Variants in TTC6 observed in about 807,000 individuals in gnomAD.
TTC6 encodes the protein tetratricopeptide repeat protein 6.
TTC6 carries 172 observed loss-of-function variants against 210.4 expected under a neutral mutation model. That is an observed-to-expected ratio of 0.82 (90% CI 0.72 to 0.93). TTC6 has a LOEUF of 0.93. Among genes scored for constraint, TTC6 ranks in the 40% least tolerant of loss-of-function variants. The probability of loss-of-function intolerance (pLI) is 0.00; values close to 1 mark genes in which losing one functional copy is unlikely to be tolerated. For synonymous variants in TTC6, 804 were observed against 819.6 expected (o/e 0.98, Z 0.32); for missense variants, 2,414 against 2,318.1 (o/e 1.04, Z -0.85).
At chr14:37,821,922 A>C (rs866320049) in intron 26 of TTC6, among the ~76,000 whole-genome samples, 1 of 151,750 alleles carries the variant, frequency 6.6e-6, no homozygotes, top group Non-Finnish European at 1.5e-5. Context: ...CTGGGACTAC[A>C]GGGGCCTGCC....
At chr14:37,807,404 T>G in exon 23 of TTC6, 1 of 1,530,490 alleles carries the variant, frequency 6.5e-7, no homozygotes, top group Non-Finnish European at 8.7e-7. Flanking sequence ...TATTAAAATT[T>G]ACCCTGAAAG....
chr14:37,816,722 T>C (rs1343207667), intron 25 of TTC6, among the ~76,000 whole-genome samples: 2 of 152,186 alleles, frequency 1.3e-5, no homozygotes, highest in African/African-American at 4.8e-5. Flanking sequence ...TATCATGCAG[T>C]TGACATGATA....
chr14:37,834,115 C>G (rs1423084177), intron 29 of TTC6, among the ~76,000 whole-genome samples: 3 of 152,126 alleles, frequency 2.0e-5, no homozygotes, highest in African/African-American at 7.2e-5. Context: ...GTTTTTAAAA[C>G]TCTCTCTTTG....
chr14:37,643,527 C>G (rs1415367955), intron 1 of TTC6, among the ~76,000 whole-genome samples: 1 of 152,040 alleles, frequency 6.6e-6, no homozygotes, highest in Non-Finnish European at 1.5e-5. Flanking sequence ...GATCACATGG[C>G]CAGCTGTTAA....
intron 1 of TTC6, among the ~76,000 whole-genome samples, chr14:37,645,436 C>G (rs189293812): frequency 6.6e-6 from 1 of 152,220 alleles, no homozygotes; most frequent in Non-Finnish European, 1.5e-5. Flanking sequence ...GAAATCCTTG[C>G]TTACAATCTA....
upstream of TTC6, among the ~76,000 whole-genome samples, chr14:37,617,351 T>C (rs574013853): frequency 9.4e-4 from 143 of 152,328 alleles, no homozygotes; most frequent in African/African-American, 3.3e-3. Context: ...ATAGGCATAT[T>C]CTAAGTGACT....
chr14:37,700,902 T>A (rs2095824018), intron 4 of TTC6, among the ~76,000 whole-genome samples: 1 of 152,000 alleles, frequency 6.6e-6, no homozygotes, highest in Non-Finnish European at 1.5e-5. Flanking sequence ...AGTTAATGGA[T>A]AATGCCCTAC....
At chr14:37,621,075 CCCCATT>C (rs2095650260), upstream of TTC6, among the ~76,000 whole-genome samples, 1 of 152,172 alleles carries the variant, frequency 6.6e-6, no homozygotes, top group Non-Finnish European at 1.5e-5. Context: ...CTGAGGCTTC[CCCCATT>C]CCCTTCCTAC....
At chr14:37,648,326 C>T (rs1431536040) in intron 1 of TTC6, among the ~76,000 whole-genome samples, 1 of 152,142 alleles carries the variant, frequency 6.6e-6, no homozygotes, top group African/African-American at 2.4e-5. Context: ...AAATGTTTAT[C>T]ATGAATAAGT....
chr14:37,780,062 G>A (rs12888912), intron 14 of TTC6, among the ~76,000 whole-genome samples: 1 of 151,920 alleles, frequency 6.6e-6, no homozygotes, highest in African/African-American at 2.4e-5. Context: ...ATGAATGAAT[G>A]AATTAATTAA....
intron 1 of TTC6, among the ~76,000 whole-genome samples, chr14:37,637,355 T>C (rs1273775964): frequency 6.6e-6 from 1 of 152,220 alleles, no homozygotes; most frequent in Non-Finnish European, 1.5e-5. Flanking sequence ...AAAGACCCTG[T>C]TAAGACGATG....
chr14:37,596,286 C>G (rs1277563051), intron 1 of TTC6, among the ~76,000 whole-genome samples: 4 of 152,358 alleles, frequency 2.6e-5, no homozygotes, highest in African/African-American at 9.6e-5. Flanking sequence ...TCCCATAACA[C>G]GCGCGTTAGC....
At chr14:37,628,006 T>G (rs2095663266) in intron 1 of TTC6, among the ~76,000 whole-genome samples, 1 of 152,182 alleles carries the variant, frequency 6.6e-6, no homozygotes, top group African/African-American at 2.4e-5. Flanking sequence ...GTTTCGCTCT[T>G]GTTGCCCAGG....
chr14:37,771,054 C>A (rs1322639324), intron 14 of TTC6, among the ~76,000 whole-genome samples: 1 of 142,934 alleles, frequency 7.0e-6, no homozygotes, highest in Admixed American at 7.1e-5. Flanking sequence ...ATTTCTCCTT[C>A]ACTTATGAAG....
Position 37,817,624 on chromosome 14 carries a change from GT to G in TTC6, c.4737del (p.His1580ThrfsTer58), listed in dbSNP as rs1213526482. The G allele has an allele frequency of 6.2e-7, 1 of 1,614,044 alleles. No individual in the cohort carries two copies. Among genetic ancestry groups the G allele is most frequent in the Non-Finnish European group, 8.5e-7 (1 of 1,179,914 alleles). On this transcript the variant is annotated frameshift_variant, in exon 26 of 31. Coordinates refer to ENST00000553443, the Ensembl canonical transcript of TTC6. LOFTEE classifies it high-confidence loss of function. ...ATAAGCCGGACTAACGGGAGCCTTTGTCACGCCACTGCCATGTGCCATCACA... is the reference window on the plus strand; with the variant it reads ...ATAAGCCGGACTAACGGGAGCCTTTGCACGCCACTGCCATGTGCCATCACA...
intron 1 of TTC6, among the ~76,000 whole-genome samples, chr14:37,679,337 CAGA>C (rs1168268567): frequency 6.6e-6 from 1 of 152,116 alleles, no homozygotes; most frequent in East Asian, 1.9e-4. Context: ...TTTGGATGGA[CAGA>C]ACCTGGGTCT....
intron 1 of TTC6, among the ~76,000 whole-genome samples, chr14:37,653,365 C>T (rs1037918508): frequency 2.0e-5 from 3 of 152,106 alleles, no homozygotes; most frequent in Non-Finnish European, 2.9e-5. Flanking sequence ...AAAATATTTT[C>T]CCCTTTGTTT....
At chr14:37,667,265 A>G (rs1467813854) in intron 1 of TTC6, among the ~76,000 whole-genome samples, 1 of 150,172 alleles carries the variant, frequency 6.7e-6, no homozygotes, top group African/African-American at 2.4e-5. Flanking sequence ...TTTTAAGTTA[A>G]TCAATTATTT....
intron 1 of TTC6, among the ~76,000 whole-genome samples, chr14:37,672,348 A>G (rs1290310242): frequency 1.3e-5 from 2 of 152,136 alleles, no homozygotes; most frequent in Non-Finnish European, 2.9e-5. Context: ...TTCCTATTGA[A>G]CTTGGAGCCT....
Sources: allele counts gnomAD v4.1 joint callset (sites outside exome capture counted in the v4.1 genomes callset), GRCh38; gene constraint gnomAD v4.1.1; transcripts MANE v1.5; gene names NCBI Gene and HGNC (gene_info 2026-07-23, HGNC 2026-07-21).